The following TRPC6 variants were observed in gnomAD, a reference collection of about 807,000 sequenced individuals.
TRPC6 encodes transient receptor potential cation channel subfamily C member 6.
TRPC6 carries 55 observed loss-of-function variants against 90.7 expected under a neutral mutation model. The observed-to-expected ratio is 0.61, with a 90% CI of 0.49 to 0.76. The LOEUF is 0.76. Among genes scored for constraint, TRPC6 ranks in the 30% least tolerant of loss-of-function variants. TRPC6 has a pLI of 0.00. For missense variants in TRPC6, 989 were observed against 1,122.7 expected, an observed-to-expected ratio of 0.88 and a Z score of 1.70; for synonymous variants, 393 against 393.0, an observed-to-expected ratio of 1.00 and a Z score of 0.00.
rs77502518 is a variant in TRPC6, at chr11:101,476,746, T to C, written c.1511-212A>G. 6.9e-3 allele frequency among the ~76,000 whole-genome samples: 1,058 copies of C among 152,270 alleles called. 13 individuals carry two copies. The highest frequency in any genetic ancestry group is 0.024 in the African/African-American group (1,005 of 41,560). ...CCTGAAAGCAATTTGACAAAGTTCA[T>C]TGAACACCTTAAAATAACAAATGTC... On this transcript the variant is annotated intron_variant, in intron 5 of 12. Transcript: ENST00000344327.
chr11:101,548,162 T>C (rs906394522), intron 1 of TRPC6, among the ~76,000 whole-genome samples: 7 of 150,358 alleles, frequency 4.7e-5, no homozygotes, highest in Non-Finnish European at 1.0e-4. Flanking sequence ...TTTTCTAAAA[T>C]ATTCTCTCTT....
At position 101,489,055 on chromosome 11, in the gene TRPC6, T is replaced by C. The variant is rs777804994; in HGVS notation, c.1175A>G (p.Tyr392Cys). ...NCQQQLLSIW[Y>C]ENLSGLRQQT... ...CTGTCGTAAACCAGAAAGATTCTCATACCAAATGGAGAGAAGTTGCTGTTG... is the reference window on the plus strand; with the variant it reads ...CTGTCGTAAACCAGAAAGATTCTCACACCAAATGGAGAGAAGTTGCTGTTG... The change falls in exon 4 of 13, where the codon TAT becomes TGT. Residue 392 changes from tyrosine (Y) to cysteine (C), a missense_variant. Physicochemically the swap from Tyr to Cys is radical, Grantham distance 194. Coordinates refer to ENST00000344327, the MANE Select transcript of TRPC6 (RefSeq NM_004621.6). 1 of 1,614,152 alleles carries C rather than the reference T, an allele frequency of 6.2e-7. No homozygotes were observed. Among genetic ancestry groups the C allele is most frequent in the South Asian group, 1.1e-5 (1 of 91,084 alleles).
intron 4 of TRPC6, among the ~76,000 whole-genome samples, chr11:101,487,019 C>T (rs1271645814): frequency 6.6e-6 from 1 of 151,946 alleles, no homozygotes; most frequent in Non-Finnish European, 1.5e-5. Flanking sequence ...AAAACAGATG[C>T]CAGAAAGACA....
At chr11:101,583,094 G>A in intron 1 of TRPC6, 1 of 892,046 alleles carries the variant, frequency 1.1e-6, no homozygotes, top group Non-Finnish European at 1.3e-6. Flanking sequence ...ACTCTCGTGG[G>A]CAAACATATC....
intron 1 of TRPC6, among the ~76,000 whole-genome samples, chr11:101,511,341 AT>A (rs1781777499): frequency 6.6e-6 from 1 of 152,168 alleles, no homozygotes; most frequent in South Asian, 2.1e-4. Flanking sequence ...TATGAGAGCA[AT>A]GATGATTTTG....
intron 2 of TRPC6, among the ~76,000 whole-genome samples, chr11:101,499,344 G>T (rs1019968663): frequency 6.6e-6 from 1 of 151,804 alleles, no homozygotes; most frequent in Non-Finnish European, 1.5e-5. Context: ...CAGGAAAATG[G>T]TCAAAGCCCA....
intron 7 of TRPC6, among the ~76,000 whole-genome samples, chr11:101,472,639 A>G (rs1221692801): frequency 2.0e-5 from 3 of 152,200 alleles, no homozygotes; most frequent in Non-Finnish European, 4.4e-5. Context: ...AGCGTTGGCA[A>G]TGGAATTGTT....
chr11:101,523,910 C>A (rs1293453446), intron 1 of TRPC6, among the ~76,000 whole-genome samples: 3 of 152,190 alleles, frequency 2.0e-5, no homozygotes, highest in South Asian at 2.1e-4. Context: ...TCCCTGCCTA[C>A]ATTTTAGTAA....
rs115990590 is a variant in TRPC6, at chr11:101,453,175, C to T, written c.2645-69G>A. The T allele has an allele frequency of 1.7e-3, 2,475 of 1,450,206 alleles. 38 individuals are homozygous for T. The African/African-American group carries it at 0.031, about 18-fold the overall frequency. 89.8% of individuals were successfully genotyped at this position (1,450,206 alleles called of 1,614,324 possible). A position where few individuals can be genotyped will look rare whatever the true frequency, so the allele number is the denominator to read the frequency against. On this transcript the variant is annotated intron_variant, in intron 12 of 12. Coordinates refer to ENST00000344327, the MANE Select transcript of TRPC6 (RefSeq NM_004621.6). ...TGCGGAAAAACTAGTGACTGTGGGA[C>T]AGGAGGAAATCAGCTCTAATTTCAC...
intron 9 of TRPC6, 81 bp downstream of exon 9, chr11:101,471,102 T>C (rs1859282273): frequency 7.2e-7 from 1 of 1,389,112 alleles, no homozygotes; most frequent in African/African-American, 1.4e-5. Flanking sequence ...AGGAACTGCT[T>C]CTCTTTAAAG....
chr11:101,549,043 A>G (rs1262732799), intron 1 of TRPC6, among the ~76,000 whole-genome samples: 1 of 151,908 alleles, frequency 6.6e-6, no homozygotes, highest in Non-Finnish European at 1.5e-5. Flanking sequence ...TCATGTTCAA[A>G]TATCACTTTT....
At chr11:101,511,022 A>G (rs7113034) in intron 1 of TRPC6, among the ~76,000 whole-genome samples, 74,166 of 151,552 alleles carry the variant, frequency 0.49, 18,491 homozygotes, top group African/African-American at 0.55. Flanking sequence ...CAGGCAGTGT[A>G]GTCAGCCGTA....
At position 101,471,794 on chromosome 11, in the gene TRPC6, C is replaced by T. The variant is rs114796936; in HGVS notation, c.2205+343G>A. On this transcript the variant is annotated intron_variant, in intron 8 of 12. Coordinates refer to ENST00000344327, the MANE Select transcript of TRPC6 (RefSeq NM_004621.6). ...TTGAGAAAAGGTCAATTTTGAATAT[C>T]ACTCAAAAAAGACTTGGAGAATGAT... Among the ~76,000 whole-genome samples, 507 of 152,232 alleles carry T rather than the reference C, an allele frequency of 3.3e-3. 3 individuals are homozygous for T. The highest frequency in any genetic ancestry group is 0.011 in the African/African-American group (469 of 41,562).
chr11:101,528,295 T>C (rs927970690), intron 1 of TRPC6, among the ~76,000 whole-genome samples: 8 of 152,248 alleles, frequency 5.3e-5, no homozygotes, highest in Non-Finnish European at 1.0e-4. Flanking sequence ...ACATTGGACC[T>C]GGAAAAACAA....
At chr11:101,489,962 A>G (rs1565214308) in intron 3 of TRPC6, among the ~76,000 whole-genome samples, 1 of 152,188 alleles carries the variant, frequency 6.6e-6, no homozygotes, top group African/African-American at 2.4e-5. Context: ...TGGGTGGAAG[A>G]AATAAGCCCT....
rs770712069 is a variant in TRPC6 at position 101,452,907 on chromosome 11, T to C, written c.*48A>G. 10 of 1,606,698 alleles carry C rather than the reference T, an allele frequency of 6.2e-6. No individual in the cohort carries two copies. The African/African-American group carries it at 6.7e-5, about 11-fold the overall frequency. On this transcript the variant is annotated 3_prime_UTR_variant, in exon 13 of 13. Coordinates refer to ENST00000344327, the MANE Select transcript of TRPC6 (RefSeq NM_004621.6). Reference sequence around the variant, plus strand: ...TAAGAAAATAAATCAGAAAATAATATGGCTTCAAGTGGACAAATAAATATG... The same window carrying C: ...TAAGAAAATAAATCAGAAAATAATACGGCTTCAAGTGGACAAATAAATATG...
chr11:101,465,468 T>C (rs539888564), intron 10 of TRPC6, among the ~76,000 whole-genome samples: 1 of 152,346 alleles, frequency 6.6e-6, no homozygotes, highest in Non-Finnish European at 1.5e-5. Flanking sequence ...CCATATTTCT[T>C]GGAGGCTTTG....
intron 1 of TRPC6, among the ~76,000 whole-genome samples, chr11:101,530,258 C>T (rs1443997937): frequency 6.6e-6 from 1 of 152,118 alleles, no homozygotes; most frequent in East Asian, 1.9e-4. Flanking sequence ...GCAGTCCTGC[C>T]CACCCAGGAA....
At chr11:101,523,167 G>A (rs1013293383) in intron 1 of TRPC6, among the ~76,000 whole-genome samples, 5 of 152,164 alleles carry the variant, frequency 3.3e-5, no homozygotes, top group African/African-American at 1.2e-4. Context: ...CACTTTTTTA[G>A]TATTCTTCAG....
Sources: allele counts gnomAD v4.1 joint callset (sites outside exome capture counted in the v4.1 genomes callset), GRCh38; gene constraint gnomAD v4.1.1; transcripts MANE v1.5; gene names NCBI Gene and HGNC (gene_info 2026-07-23, HGNC 2026-07-21).